The following GSE1 variants were observed in gnomAD, a reference collection of about 807,000 sequenced individuals.
GSE1 encodes the protein genetic suppressor element 1.
In GSE1, 32 loss-of-function variants were observed where a neutral mutation model predicts 112.6. That is an observed-to-expected ratio of 0.28 (90% CI 0.21 to 0.38). GSE1 has a LOEUF of 0.38. Among genes scored for constraint, GSE1 ranks in the 10% least tolerant of loss-of-function variants. The probability of loss-of-function intolerance (pLI) is 1.00; values close to 1 mark genes in which losing one functional copy is unlikely to be tolerated. For synonymous variants in GSE1, 1,115 were observed against 735.6 expected, an observed-to-expected ratio of 1.52 and a Z score of -8.35; for missense variants, 2,348 against 1,699.2, an observed-to-expected ratio of 1.38 and a Z score of -6.71.
chr16:85,561,357 CATAA>C (rs1198091613), intron 1 of GSE1, among the ~76,000 whole-genome samples: 1 of 152,166 alleles, frequency 6.6e-6, no homozygotes, highest in African/African-American at 2.4e-5. Context: ...GTCCCTGCTT[CATAA>C]ATATTTGTTG....
chr16:85,648,132 T>A (rs1489674576), intron 2 of GSE1, among the ~76,000 whole-genome samples: 1 of 151,844 alleles, frequency 6.6e-6, no homozygotes, highest in African/African-American at 2.4e-5. Flanking sequence ...TCATGACACC[T>A]CCTAGAAACA....
intron 1 of GSE1, among the ~76,000 whole-genome samples, chr16:85,217,943 G>A (rs8047460): frequency 3.3e-5 from 5 of 151,754 alleles, no homozygotes; most frequent in Non-Finnish European, 5.9e-5. Flanking sequence ...GTTCTGTTAC[G>A]ACGCTGGAGT....
intron 1 of GSE1, among the ~76,000 whole-genome samples, chr16:85,603,495 G>GATTGGATTT (rs2151491949): frequency 6.6e-6 from 1 of 152,278 alleles, no homozygotes; most frequent in South Asian, 2.1e-4. Context: ...GAGGCCTTCA[G>GATTGGATTT]ATTGGATTTT....
At chr16:85,443,673 G>C (rs2049436185) in intron 2 of GSE1, among the ~76,000 whole-genome samples, 2 of 152,246 alleles carry the variant, frequency 1.3e-5, no homozygotes, top group African/African-American at 4.8e-5. Flanking sequence ...AGCAGGAGGT[G>C]CAATGCCACA....
intron 1 of GSE1, among the ~76,000 whole-genome samples, chr16:85,178,677 G>A (rs1267176107): frequency 6.6e-6 from 1 of 152,024 alleles, no homozygotes; most frequent in Non-Finnish European, 1.5e-5. Context: ...TGTGTTTACT[G>A]AGTGCCCACT....
At chr16:85,643,766 T>C (rs1273426664) in intron 2 of GSE1, among the ~76,000 whole-genome samples, 2 of 152,138 alleles carry the variant, frequency 1.3e-5, no homozygotes, top group African/African-American at 2.4e-5. Context: ...CGGAAGCTCC[T>C]GCTCCCAGCT....
intron 1 of GSE1, among the ~76,000 whole-genome samples, chr16:85,579,451 A>C (rs145333413): frequency 9.9e-5 from 15 of 152,276 alleles, no homozygotes; most frequent in African/African-American, 3.6e-4. Flanking sequence ...ATTATGTCTT[A>C]ATGTATGATA....
At chr16:85,251,473 G>A (rs1277810278) in intron 1 of GSE1, among the ~76,000 whole-genome samples, 2 of 152,260 alleles carry the variant, frequency 1.3e-5, no homozygotes, top group Non-Finnish European at 2.9e-5. Flanking sequence ...GGGCTCAGCA[G>A]GAAACAGGCC....
chr16:85,279,409 C>G (rs942508465), intron 1 of GSE1, among the ~76,000 whole-genome samples: 2 of 152,178 alleles, frequency 1.3e-5, no homozygotes, highest in Non-Finnish European at 2.9e-5. Context: ...GAGTCTGAGA[C>G]CAGTCTGGGC....
At chr16:85,176,754 C>CT (rs2074474944) in intron 1 of GSE1, among the ~76,000 whole-genome samples, 1 of 152,240 alleles carries the variant, frequency 6.6e-6, no homozygotes, top group African/African-American at 2.4e-5. Flanking sequence ...GTGTTGCTGC[C>CT]GCAACCACCT....
At chr16:85,597,516 C>G (rs1199292987) in intron 1 of GSE1, among the ~76,000 whole-genome samples, 1 of 152,042 alleles carries the variant, frequency 6.6e-6, no homozygotes, top group Non-Finnish European at 1.5e-5. Context: ...GTTCCCCAGG[C>G]TGGAGTGCAG....
chr16:85,411,680 G>A (rs74201979), intron 2 of GSE1, among the ~76,000 whole-genome samples: 32 of 35,308 alleles, frequency 9.1e-4, no homozygotes, highest in Non-Finnish European at 1.2e-3. Flanking sequence ...AGGGCCCCCC[G>A]GATAATCCTC....
At chr16:85,548,267 G>T (rs1370408488) in intron 2 of GSE1, among the ~76,000 whole-genome samples, 3 of 135,240 alleles carry the variant, frequency 2.2e-5, no homozygotes, top group African/African-American at 5.4e-5. Flanking sequence ...AAGAAAGAAA[G>T]AAATATTCGA....
chr16:85,491,141 G>A (rs1224363361), intron 2 of GSE1, among the ~76,000 whole-genome samples: 1 of 152,226 alleles, frequency 6.6e-6, no homozygotes, highest in Non-Finnish European at 1.5e-5. Context: ...CAGATGGAAA[G>A]AGCTTTTGAG....
chr16:85,280,541 G>A lies in GSE1; in HGVS notation c.2284-76922G>A, dbSNP rs139678688. 6.0e-4 allele frequency among the ~76,000 whole-genome samples: 91 copies of A among 152,186 alleles called. 1 individual carries two copies. The highest frequency in any genetic ancestry group is 2.0e-3 in the African/African-American group (82 of 41,530). On this transcript the variant is annotated intron_variant, in intron 1 of 2. Transcript: ENST00000637419. ...CTCTCGAGTAGCTGGGACTACAGGC[G>A]CCCGCCACCATACCTGGCCAATTTT...
chr16:85,395,438 G>T (rs2047943227), intron 2 of GSE1, among the ~76,000 whole-genome samples: 1 of 152,160 alleles, frequency 6.6e-6, no homozygotes, highest in East Asian at 1.9e-4. Context: ...CCGACAATGG[G>T]TCCAGGCTGC....
intron 2 of GSE1, among the ~76,000 whole-genome samples, chr16:85,504,927 G>A (rs1046248162): frequency 1.3e-5 from 2 of 152,214 alleles, no homozygotes; most frequent in African/African-American, 4.8e-5. Flanking sequence ...ATGAAGGTCT[G>A]AAAGGAAGTT....
intron 1 of GSE1, among the ~76,000 whole-genome samples, chr16:85,600,454 G>C (rs1477108462): frequency 6.6e-6 from 1 of 152,052 alleles, no homozygotes; most frequent in African/African-American, 2.4e-5. Flanking sequence ...TGGGAGAGGA[G>C]AGTGTCTGAA....
At chr16:85,539,874 G>C (rs1290010627) in intron 2 of GSE1, among the ~76,000 whole-genome samples, 1 of 152,220 alleles carries the variant, frequency 6.6e-6, no homozygotes, top group East Asian at 1.9e-4. Context: ...TTGCTCTAGG[G>C]GTCATGGCAG....
Sources: gnomAD v4.1 joint callset for allele counts (sites outside exome capture counted in the v4.1 genomes callset) on GRCh38, gnomAD v4.1.1 for gene constraint, MANE v1.5 for transcripts, NCBI Gene and HGNC (gene_info 2026-07-23, HGNC 2026-07-21) for gene names.